Variants in SPAM1 observed in about 807,000 individuals in gnomAD.
SPAM1 encodes hyaluronidase PH-20.
A neutral mutation model predicts 29.6 loss-of-function variants in SPAM1; 22 were observed. The observed-to-expected ratio is 0.74, with a 90% CI of 0.53 to 1.06. The LOEUF (loss-of-function observed/expected upper bound fraction) is 1.06, where lower values mean the gene tolerates loss of function less well. SPAM1 is among the 50% of genes least tolerant of loss of function. The probability of loss-of-function intolerance (pLI) is 0.00; values close to 1 mark genes in which losing one functional copy is unlikely to be tolerated. For missense variants in SPAM1, 534 were observed against 604.0 expected, an observed-to-expected ratio of 0.88 and a Z score of 1.21; for synonymous variants, 194 against 204.6, an observed-to-expected ratio of 0.95 and a Z score of 0.44.
At chr7:123,948,934 G>T (rs886645452) in intron 1 of SPAM1, among the ~76,000 whole-genome samples, 2 of 150,574 alleles carry the variant, frequency 1.3e-5, no homozygotes, top group Non-Finnish European at 2.9e-5. Flanking sequence ...CGTTTGTTGT[G>T]GAAAAGAAGA....
chr7:123,937,356 T>C (rs184647113), intron 1 of SPAM1, among the ~76,000 whole-genome samples: 1,680 of 152,050 alleles, frequency 0.011, 28 homozygotes, highest in Non-Finnish European at 0.013. Flanking sequence ...AATCCCAGCA[T>C]TTTGGGAGGC....
chr7:123,959,587 A>G lies in SPAM1; in HGVS notation c.1148A>G (p.Glu383Gly), dbSNP rs199703625. ...AKMCSQVLCQEQGVCIRKNWN... is the reference protein window; with the variant it reads ...AKMCSQVLCQGQGVCIRKNWN... The stretch of plus-strand genomic sequence containing the variant: ...ATGTGTAGCCAAGTGCTTTGCCAGG[A>G]GCAAGGAGTGTGTATAAGGAAAAAC... Residue 383 changes from glutamate to glycine, a missense_variant, in exon 5 of 5, where the codon GAG becomes GGG. Glu to Gly is a moderately conservative substitution (Grantham distance 98). Coordinates refer to ENST00000682466, the MANE Select transcript of SPAM1 (RefSeq NM_153189.3). The G allele has an allele frequency of 2.7e-5, 44 of 1,613,276 alleles. No homozygotes were observed. In the Middle Eastern group the frequency reaches 9.9e-4, roughly 36 times the overall value.
intron 1 of SPAM1, chr7:123,947,620 A>ACAC (rs58047779): frequency 6.9e-6 from 1 of 145,702 alleles, no homozygotes; most frequent in Non-Finnish European, 1.5e-5. Context: ...ACACACACAC[A>ACAC]GACAGGTTCA....
chr7:123,954,565 C>A, intron 3 of SPAM1, 41 bp downstream of exon 3: 1 of 1,294,016 alleles, frequency 7.7e-7, no homozygotes, highest in Non-Finnish European at 1.1e-6. Context: ...ATGAAATTCA[C>A]AAAAGATGTT....
chr7:123,970,956 A>G (rs1356641306), intron 6 of SPAM1: 1 of 152,028 alleles, frequency 6.6e-6, no homozygotes, highest in African/African-American at 2.4e-5. Flanking sequence ...TAAAATCCAT[A>G]TATGTTTCTG....
At chr7:123,936,235 A>G (rs1808241532) in intron 1 of SPAM1, among the ~76,000 whole-genome samples, 1 of 152,166 alleles carries the variant, frequency 6.6e-6, no homozygotes, top group Non-Finnish European at 1.5e-5. Context: ...GGATGGGAGG[A>G]GACTCTCAAA....
At chr7:123,965,014 T>C (rs1313910062), downstream of SPAM1, among the ~76,000 whole-genome samples, 1 of 152,048 alleles carries the variant, frequency 6.6e-6, no homozygotes, top group African/African-American at 2.4e-5. Flanking sequence ...GAAGAGCTTC[T>C]GTTTATTATA....
chr7:123,959,363 C>T, intron 4 of SPAM1, 121 bp from the exon 5 acceptor site: 1 of 647,212 alleles, frequency 1.5e-6, no homozygotes, highest in South Asian at 2.2e-5. Context: ...AAATTATCTT[C>T]TACTTCTTGC....
chr7:123,945,091 A>G (rs1563025762), intron 1 of SPAM1, among the ~76,000 whole-genome samples: 1 of 151,930 alleles, frequency 6.6e-6, no homozygotes, highest in East Asian at 1.9e-4. Flanking sequence ...CAGTCATTTT[A>G]TTTTAGGACA....
At chr7:123,951,028 C>T (rs1327160912) in intron 2 of SPAM1, among the ~76,000 whole-genome samples, 3 of 152,146 alleles carry the variant, frequency 2.0e-5, no homozygotes, top group African/African-American at 2.4e-5. Context: ...AGCATTTTCT[C>T]ATACATTTAT....
chr7:123,941,633 G>C (rs1034507102), intron 1 of SPAM1, among the ~76,000 whole-genome samples: 1 of 152,132 alleles, frequency 6.6e-6, no homozygotes, highest in Non-Finnish European at 1.5e-5. Flanking sequence ...CAAATTGTGC[G>C]GGAGGTATGT....
intron 1 of SPAM1, among the ~76,000 whole-genome samples, chr7:123,941,486 G>A (rs192535439): frequency 5.3e-5 from 8 of 152,278 alleles, no homozygotes; most frequent in African/African-American, 1.9e-4. Context: ...ATACAATTTA[G>A]TCTGGCTCAG....
chr7:123,950,688 T>G (rs1406962307), intron 2 of SPAM1, among the ~76,000 whole-genome samples: 2 of 152,180 alleles, frequency 1.3e-5, no homozygotes. Context: ...GTTGATTCCA[T>G]GACTTTGCTC....
chr7:123,929,682 G>A (rs961673484), intron 1 of SPAM1, among the ~76,000 whole-genome samples: 10 of 152,068 alleles, frequency 6.6e-5, no homozygotes, highest in Non-Finnish European at 8.8e-5. Context: ...AGCTGATGGG[G>A]TCTGATTATA....
At chr7:123,961,903 TC>T (rs1792364133), downstream of SPAM1, among the ~76,000 whole-genome samples, 1 of 151,842 alleles carries the variant, frequency 6.6e-6, no homozygotes, top group Non-Finnish European at 1.5e-5. Flanking sequence ...CCTTATGAAA[TC>T]ATCAGGTCTT....
chr7:123,960,127 A>G, downstream of SPAM1: 2 of 968,868 alleles, frequency 2.1e-6, no homozygotes, highest in East Asian at 5.2e-5. Context: ...TTTGAACTTG[A>G]CAAACACTGC....
chr7:123,928,002 G>A (rs1288297255), intron 1 of SPAM1, among the ~76,000 whole-genome samples: 1 of 152,014 alleles, frequency 6.6e-6, no homozygotes, highest in East Asian at 1.9e-4. Flanking sequence ...ATGGGGTGAC[G>A]GCGCATTGTA....
At position 123,954,048 on chromosome 7, in the gene SPAM1, C is replaced by G; in HGVS notation, c.478C>G (p.Pro160Ala). 6.2e-7 allele frequency: 1 copy of G among 1,613,334 alleles called. No homozygotes were observed. Among genetic ancestry groups the G allele is most frequent in the Non-Finnish European group, 8.5e-7 (1 of 1,179,710 alleles). Reference sequence around the variant, plus strand: ...ACCCACTTGGGCAAGAAACTGGAAACCTAAAGATGTTTACAAGAATAGGTC... The same window carrying G: ...ACCCACTTGGGCAAGAAACTGGAAAGCTAAAGATGTTTACAAGAATAGGTC... ...WRPTWARNWK[P>A]KDVYKNRSIE... is the part of the protein sequence containing the mutation. Residue 160 changes from proline to alanine, a missense_variant, in exon 3 of 5, where the codon CCT becomes GCT. By Grantham distance (27) the Pro-to-Ala change is conservative. Transcript: ENST00000682466.
chr7:123,937,658 C>A (rs181480058), intron 1 of SPAM1, among the ~76,000 whole-genome samples: 2 of 149,534 alleles, frequency 1.3e-5, no homozygotes, highest in African/African-American at 4.9e-5. Flanking sequence ...TCCCAGCATT[C>A]GTGGAATTTA....
Sources: gnomAD v4.1 joint callset for allele counts (sites outside exome capture counted in the v4.1 genomes callset) on GRCh38, gnomAD v4.1.1 for gene constraint, MANE v1.5 for transcripts, NCBI Gene and HGNC (gene_info 2026-07-23, HGNC 2026-07-21) for gene names.